PLCB4: variants seen among roughly 807,000 people sequenced by gnomAD.
The protein encoded by PLCB4 is phospholipase C beta 4.
In PLCB4, 77 loss-of-function variants were observed where a neutral mutation model predicts 178.8. That is an observed-to-expected ratio of 0.43 (90% CI 0.36 to 0.52). The LOEUF (loss-of-function observed/expected upper bound fraction) is 0.52. Among genes scored for constraint, PLCB4 ranks in the 20% least tolerant of loss-of-function variants. The probability of loss-of-function intolerance (pLI) is 0.00; values close to 1 mark genes in which losing one functional copy is unlikely to be tolerated. For synonymous variants in PLCB4, 496 were observed against 490.8 expected, an observed-to-expected ratio of 1.01 and a Z score of -0.14; for missense variants, 1,024 against 1,453.4, an observed-to-expected ratio of 0.70 and a Z score of 4.80.
At chr20:9,293,271 G>GGGAAGGGAA (rs2094597669) in intron 3 of PLCB4, among the ~76,000 whole-genome samples, 2 of 150,660 alleles carry the variant, frequency 1.3e-5, no homozygotes, top group South Asian at 4.2e-4. Flanking sequence ...GGGAAGGAAA[G>GGGAAGGGAA]GGAAGGGAAG....
intron 3 of PLCB4, among the ~76,000 whole-genome samples, chr20:9,263,521 C>G (rs182962418): frequency 0.012 from 1,849 of 152,230 alleles, 49 homozygotes; most frequent in African/African-American, 0.043. Flanking sequence ...GTTAGAGTCG[C>G]GTGGTAACAA....
chr20:9,402,418 G>A (rs2039098827), intron 20 of PLCB4, among the ~76,000 whole-genome samples: 1 of 152,176 alleles, frequency 6.6e-6, no homozygotes, highest in Admixed American at 6.5e-5. Flanking sequence ...GACGAGATGA[G>A]GCAGGTAGGT....
At chr20:9,442,472 G>GC (rs1230125444) in intron 30 of PLCB4, among the ~76,000 whole-genome samples, 1 of 151,966 alleles carries the variant, frequency 6.6e-6, no homozygotes, top group African/African-American at 2.4e-5. Context: ...GTTGAGGGAA[G>GC]TTTATGTTTT....
At chr20:9,316,008 A>G (rs935239316) in intron 4 of PLCB4, among the ~76,000 whole-genome samples, 4 of 152,178 alleles carry the variant, frequency 2.6e-5, no homozygotes, top group Non-Finnish European at 5.9e-5. Context: ...AGACATGGAA[A>G]CAGCAAATGC....
chr20:9,419,437 C>T lies in PLCB4; in HGVS notation c.2052-370C>T, dbSNP rs117676434. ...ATAATTTAATGCATTATTACAAGTA[C>T]AATTAATACAGAGGTAGAATATCAC... On this transcript the variant is annotated intron_variant, in intron 25 of 39. Transcript: ENST00000378473. Among the ~76,000 whole-genome samples, 7 of 152,240 alleles carry T rather than the reference C, an allele frequency of 4.6e-5. No homozygotes were observed. In the East Asian group the frequency reaches 1.3e-3, roughly 29 times the overall value.
intron 23 of PLCB4, 92 bp from the exon 24 acceptor site, chr20:9,408,962 CATT>C: frequency 9.1e-7 from 1 of 1,097,944 alleles, no homozygotes. Context: ...ACTTGTTTGT[CATT>C]GTTGGCCTAG....
intron 3 of PLCB4, among the ~76,000 whole-genome samples, chr20:9,301,522 A>G (rs1182891142): frequency 6.6e-6 from 1 of 152,150 alleles, no homozygotes; most frequent in East Asian, 1.9e-4. Flanking sequence ...TTATAGGTCT[A>G]GCAAGGAAGA....
intron 2 of PLCB4, among the ~76,000 whole-genome samples, chr20:9,196,736 A>G (rs2093476971): frequency 6.6e-6 from 1 of 152,168 alleles, no homozygotes; most frequent in Non-Finnish European, 1.5e-5. Context: ...TGAGGGTAAT[A>G]AGGCCTATCT....
In PLCB4 at chr20:9,479,919, C is replaced by A. The variant is rs2044783218; in HGVS notation, c.*910C>A. The stretch of plus-strand genomic sequence containing the variant: ...TAAAGACTAATCCATACACAGTTAA[C>A]CTAATGCCAAATAAATACTGGTTAA... On this transcript the variant is annotated 3_prime_UTR_variant, in exon 40 of 40. Transcript: ENST00000378473. The A allele has an allele frequency of 6.6e-6, 1 of 152,318 alleles. No individual in the cohort carries two copies. The highest frequency in any genetic ancestry group is 2.4e-5 in the African/African-American group (1 of 41,396). The allele number at this position is 152,318 out of a possible 1,614,324, so 9.4% of individuals were successfully genotyped here. A position where few individuals can be genotyped will look rare whatever the true frequency, so the allele number is the denominator to read the frequency against.
chr20:9,086,096 A>G (rs2090401314), intron 1 of PLCB4, among the ~76,000 whole-genome samples: 1 of 152,166 alleles, frequency 6.6e-6, no homozygotes, highest in South Asian at 2.1e-4. Context: ...AAATTAAATT[A>G]TCACTGAAAT....
intron 28 of PLCB4, among the ~76,000 whole-genome samples, chr20:9,431,205 A>G (rs1214834144): frequency 1.3e-5 from 2 of 152,014 alleles, no homozygotes. Flanking sequence ...CCTTGGCTTG[A>G]AGATGCACCA....
chr20:9,394,900 G>GA (rs1256258189), intron 18 of PLCB4, among the ~76,000 whole-genome samples: 2 of 151,958 alleles, frequency 1.3e-5, no homozygotes, highest in South Asian at 4.1e-4. Flanking sequence ...CCAACTCATA[G>GA]AAAAAAATTG....
intron 3 of PLCB4, among the ~76,000 whole-genome samples, chr20:9,243,088 A>G (rs539141848): frequency 1.8e-4 from 27 of 152,336 alleles, no homozygotes; most frequent in African/African-American, 6.3e-4. Flanking sequence ...TTTTAATACT[A>G]AAACATTATT....
At chr20:9,160,231 G>T (rs920469443) in intron 2 of PLCB4, among the ~76,000 whole-genome samples, 1 of 152,154 alleles carries the variant, frequency 6.6e-6, no homozygotes, top group Non-Finnish European at 1.5e-5. Flanking sequence ...TTTAGATGTA[G>T]CCCTTAATTG....
intron 28 of PLCB4, among the ~76,000 whole-genome samples, chr20:9,429,297 C>A (rs1452092178): frequency 6.6e-6 from 1 of 152,120 alleles, no homozygotes; most frequent in South Asian, 2.1e-4. Context: ...TGGCTCCCCC[C>A]AGCAAGGCCT....
intron 28 of PLCB4, among the ~76,000 whole-genome samples, chr20:9,427,281 A>C (rs1866338260): frequency 1.3e-5 from 2 of 152,110 alleles, no homozygotes; most frequent in Non-Finnish European, 2.9e-5. Context: ...ATAACAGAGC[A>C]GTGATGGCTA....
chr20:9,306,679 C>T (rs2094771148), intron 3 of PLCB4, among the ~76,000 whole-genome samples: 1 of 152,122 alleles, frequency 6.6e-6, no homozygotes, highest in Non-Finnish European at 1.5e-5. Context: ...ATGTTCTTTG[C>T]ATTGCTTAAC....
chr20:9,476,584 T>G (rs2044561083), intron 38 of PLCB4, 133 bp from the exon 39 acceptor site: 2 of 635,386 alleles, frequency 3.1e-6, no homozygotes, highest in African/African-American at 3.7e-5. Flanking sequence ...GGTGTGTACA[T>G]GTTTTATCCT....
chr20:9,157,935 C>T (rs796075169), intron 2 of PLCB4, among the ~76,000 whole-genome samples: 6 of 152,226 alleles, frequency 3.9e-5, no homozygotes, highest in African/African-American at 1.4e-4. Context: ...CTATCTCAAA[C>T]AAGCAAAACT....
Sources: allele counts gnomAD v4.1 joint callset (sites outside exome capture counted in the v4.1 genomes callset), GRCh38; gene constraint gnomAD v4.1.1; transcripts MANE v1.5; gene names NCBI Gene and HGNC (gene_info 2026-07-23, HGNC 2026-07-21).